CHST11: variants seen among roughly 807,000 people sequenced by gnomAD.
CHST11 encodes the protein C4S-1.
In CHST11, 9 loss-of-function variants were observed where a neutral mutation model predicts 30.4. The observed-to-expected ratio is 0.30, with a 90% CI of 0.18 to 0.52. The LOEUF (loss-of-function observed/expected upper bound fraction) is 0.52, where lower values mean the gene tolerates loss of function less well. Among genes scored for constraint, CHST11 ranks in the 20% least tolerant of loss-of-function variants. The pLI, the probability that CHST11 is intolerant of heterozygous loss-of-function variation, is 0.97. For missense variants in CHST11, 348 were observed against 460.6 expected, an observed-to-expected ratio of 0.76 and a Z score of 2.24; for synonymous variants, 152 against 187.8, an observed-to-expected ratio of 0.81 and a Z score of 1.56.
At chr12:104,658,966 G>A (rs568575963) in intron 2 of CHST11, among the ~76,000 whole-genome samples, 78 of 152,368 alleles carry the variant, frequency 5.1e-4, no homozygotes, top group African/African-American at 1.9e-3. Flanking sequence ...CAGTCTGGCT[G>A]CAGAGGATAC....
At chr12:104,460,509 C>T (rs890586728) in intron 1 of CHST11, among the ~76,000 whole-genome samples, 1 of 151,824 alleles carries the variant, frequency 6.6e-6, no homozygotes, top group Non-Finnish European at 1.5e-5. Flanking sequence ...ACTAAAAATA[C>T]AAAAATTAGC....
chr12:104,757,223 A>T lies in CHST11; in HGVS notation c.479A>T (p.Asn160Ile). 6.2e-7 allele frequency: 1 copy of T among 1,614,138 alleles called. No individual in the cohort carries two copies. Among genetic ancestry groups the T allele is most frequent in the Non-Finnish European group, 8.5e-7 (1 of 1,180,028 alleles). ...IPANEAHVSA[N>I]LKTLNQYSIP... ...GCCAACGAGGCACACGTCTCCGCCA[A>T]CCTGAAGACCCTGAACCAGTACAGC... Residue 160 changes from asparagine (N) to isoleucine (I), a missense_variant, in exon 3 of 3, where the codon AAC (asparagine) becomes ATC (isoleucine). Physicochemically the swap from Asn to Ile is moderately radical, Grantham distance 149. Transcript: ENST00000303694. This position sits in a 1 kb window ranked among gnomAD's most constrained non-coding sequence, Gnocchi z 6.5.
chr12:104,693,290 G>A (rs776021329), intron 2 of CHST11, among the ~76,000 whole-genome samples: 15 of 152,208 alleles, frequency 9.9e-5, no homozygotes, highest in South Asian at 2.1e-4. Context: ...ACAGATCAGC[G>A]CAACACGCCC....
At chr12:104,531,051 C>A (rs889249953) in intron 1 of CHST11, among the ~76,000 whole-genome samples, 5 of 152,220 alleles carry the variant, frequency 3.3e-5, no homozygotes, top group African/African-American at 1.2e-4. Context: ...TTCATGTTTT[C>A]CATCAGCCAC....
At position 104,600,488 on chromosome 12, in the gene CHST11, GCA is replaced by G. The variant is rs1222466346; in HGVS notation, c.119-1415_119-1414del. ...CTTTTAAACTGTGGCTTTTGGCCAG[GCA>G]CAGTTTTAAGCATTCTGCACATAGT... On this transcript the variant is annotated intron_variant, in intron 1 of 2. Transcript: ENST00000303694. This position sits in a 1 kb window ranked among gnomAD's most constrained non-coding sequence, Gnocchi z 4.1. Among the ~76,000 whole-genome samples the G allele has an allele frequency of 3.9e-5, 6 of 152,186 alleles. No homozygotes were observed. The highest frequency in any genetic ancestry group is 8.8e-5 in the Non-Finnish European group (6 of 68,034).
chr12:104,704,225 C>T (rs2040013965), intron 2 of CHST11, among the ~76,000 whole-genome samples: 1 of 152,224 alleles, frequency 6.6e-6, no homozygotes, highest in Non-Finnish European at 1.5e-5. Flanking sequence ...CCCCTACCTC[C>T]CCCCACTGTC....
intron 1 of CHST11, among the ~76,000 whole-genome samples, chr12:104,585,948 C>G (rs573748822): frequency 6.6e-6 from 1 of 152,294 alleles, no homozygotes; most frequent in South Asian, 2.1e-4. Context: ...TGTGGGTCCC[C>G]TCCTCTTCTC....
intron 1 of CHST11, among the ~76,000 whole-genome samples, chr12:104,560,502 G>A (rs1048948881): frequency 2.0e-5 from 3 of 152,142 alleles, no homozygotes; most frequent in African/African-American, 4.8e-5. Context: ...GATCAGCACC[G>A]GGAAGCATCT....
At chr12:104,539,743 G>A (rs928850297) in intron 1 of CHST11, among the ~76,000 whole-genome samples, 9 of 152,128 alleles carry the variant, frequency 5.9e-5, no homozygotes, top group East Asian at 1.9e-4. Context: ...AAATACAGTC[G>A]TCCTTTGGTA....
chr12:104,759,509 TG>T lies in CHST11; in HGVS notation c.*1707del, dbSNP rs1466270338. 1.1e-4 allele frequency: 16 copies of T among 152,272 alleles called. No homozygotes were observed. The highest frequency in any genetic ancestry group is 3.9e-4 in the African/African-American group (16 of 41,538). 9.4% of individuals were successfully genotyped at this position (152,272 alleles called of 1,614,324 possible). On this transcript the variant is annotated 3_prime_UTR_variant, in exon 3 of 3. Transcript: ENST00000303694. ...TGTGGGTAAGTTTTGCCTTTTGTTT[TG>T]TTTTTGATGCCGTATATAGTGAAGG...
chr12:104,752,566 C>G (rs1417048178), intron 2 of CHST11, among the ~76,000 whole-genome samples: 1 of 152,106 alleles, frequency 6.6e-6, no homozygotes, highest in African/African-American at 2.4e-5. Flanking sequence ...CTCACTCTGT[C>G]GCCCAGGCTG....
chr12:104,727,761 G>C (rs2040226936), intron 2 of CHST11, among the ~76,000 whole-genome samples: 1 of 152,200 alleles, frequency 6.6e-6, no homozygotes, highest in Non-Finnish European at 1.5e-5. Context: ...AGGTGCTGGA[G>C]ACACAGCCAT....
chr12:104,457,314 C>T lies in CHST11; in HGVS notation c.-98C>T. ...CCTCTGAGCCTTGCTCAGCTCTGCCCCGCGCCTCCCGGGCTCCGGTCCGCG... is the reference window on the plus strand; with the variant it reads ...CCTCTGAGCCTTGCTCAGCTCTGCCTCGCGCCTCCCGGGCTCCGGTCCGCG... On this transcript the variant is annotated 5_prime_UTR_variant, in exon 1 of 3. Transcript: ENST00000303694. 1.3e-6 allele frequency: 1 copy of T among 791,994 alleles called. No individual in the cohort carries two copies. The highest frequency in any genetic ancestry group is 2.1e-6 in the Non-Finnish European group (1 of 474,936). The allele number at this position is 791,994 out of a possible 1,614,324, so 49.1% of individuals were successfully genotyped here. A position where few individuals can be genotyped will look rare whatever the true frequency, so the allele number is the denominator to read the frequency against.
At chr12:104,482,863 G>A (rs2037640456) in intron 1 of CHST11, among the ~76,000 whole-genome samples, 1 of 152,116 alleles carries the variant, frequency 6.6e-6, no homozygotes, top group Admixed American at 6.5e-5. Flanking sequence ...CACTTCTTCT[G>A]TCTTTTAGTG....
At chr12:104,665,149 A>C (rs1179576961) in intron 2 of CHST11, among the ~76,000 whole-genome samples, 3 of 152,224 alleles carry the variant, frequency 2.0e-5, no homozygotes, top group Non-Finnish European at 4.4e-5. Context: ...GTATGAGAAT[A>C]ACCTTGAGAT....
At chr12:104,664,552 T>G (rs1271616100) in intron 2 of CHST11, among the ~76,000 whole-genome samples, 1 of 152,076 alleles carries the variant, frequency 6.6e-6, no homozygotes, top group Non-Finnish European at 1.5e-5. Flanking sequence ...TGTGAAATGT[T>G]ACAAGTGCAA....
Position 104,650,850 on chromosome 12 carries a change from G to A in CHST11, c.204+48859G>A, listed in dbSNP as rs2039483696. 2.6e-5 allele frequency among the ~76,000 whole-genome samples: 4 copies of A among 152,328 alleles called. No homozygotes were observed. The South Asian group carries it at 8.3e-4, about 32-fold the overall frequency. On this transcript the variant is annotated intron_variant, in intron 2 of 2. Transcript: ENST00000303694. The stretch of plus-strand genomic sequence containing the variant: ...CAGCATTGCTAAGAACCTTGCCAGT[G>A]TGGAGGTGGTTAAGAATGGGGACGT...
chr12:104,558,846 T>G lies in CHST11; in HGVS notation c.119-43060T>G, dbSNP rs77760111. Among the ~76,000 whole-genome samples the G allele has an allele frequency of 5.3e-3, 800 of 152,056 alleles. 12 individuals carry two copies. Among genetic ancestry groups the G allele is most frequent in the African/African-American group, 0.018 (753 of 41,490 alleles). Reference sequence around the variant, plus strand: ...GAGTCACCGCACCTGGCCTAGAAATTTTTAATTCTAAGTCCTCGGGCACCA... The same window carrying G: ...GAGTCACCGCACCTGGCCTAGAAATGTTTAATTCTAAGTCCTCGGGCACCA... On this transcript the variant is annotated intron_variant, in intron 1 of 2. Transcript: ENST00000303694.
At chr12:104,622,238 C>T (rs540930723) in intron 2 of CHST11, among the ~76,000 whole-genome samples, 1 of 152,298 alleles carries the variant, frequency 6.6e-6, no homozygotes, top group South Asian at 2.1e-4. Flanking sequence ...CATAAGAACT[C>T]TTTGACAACC....
Sources: allele counts gnomAD v4.1 joint callset (sites outside exome capture counted in the v4.1 genomes callset), GRCh38; gene constraint gnomAD v4.1.1; non-coding constraint Gnocchi (gnomAD v3.1); transcripts MANE v1.5; gene names NCBI Gene and HGNC (gene_info 2026-07-23, HGNC 2026-07-21).